The following ATXN1 variants were observed in gnomAD, a reference collection of about 807,000 sequenced individuals.
ATXN1 encodes ataxin-1.
In ATXN1, 8 loss-of-function variants were observed where a neutral mutation model predicts 56.4. That is an observed-to-expected ratio of 0.14 (90% confidence interval 0.08 to 0.26). The LOEUF (loss-of-function observed/expected upper bound fraction) is 0.26. Among genes scored for constraint, ATXN1 ranks in the 10% least tolerant of loss-of-function variants. ATXN1 has a pLI of 1.00. For synonymous variants in ATXN1, 514 were observed against 494.6 expected, an observed-to-expected ratio of 1.04 and a Z score of -0.52; for missense variants, 987 against 1,106.5, an observed-to-expected ratio of 0.89 and a Z score of 1.53.
intron 3 of ATXN1, among the ~76,000 whole-genome samples, chr6:16,590,482 G>C (rs1762703308): frequency 6.6e-6 from 1 of 152,066 alleles, no homozygotes; most frequent in Non-Finnish European, 1.5e-5. Context: ...GCATATTAGA[G>C]TTTTATATAT....
intron 2 of ATXN1, among the ~76,000 whole-genome samples, chr6:16,683,748 G>C (rs1758861381): frequency 6.6e-6 from 1 of 152,192 alleles, no homozygotes; most frequent in Admixed American, 6.5e-5. Context: ...GGGTTAACCA[G>C]AGAGTTTTCT....
intron 6 of ATXN1, among the ~76,000 whole-genome samples, chr6:16,346,559 C>T (rs939766359): frequency 2.0e-5 from 3 of 152,210 alleles, no homozygotes; most frequent in African/African-American, 4.8e-5. Flanking sequence ...GACTCCTGAG[C>T]AGGAAGCACA....
At chr6:16,475,276 G>T (rs780357870) in intron 6 of ATXN1, among the ~76,000 whole-genome samples, 2 of 152,100 alleles carry the variant, frequency 1.3e-5, no homozygotes, top group African/African-American at 4.8e-5. Flanking sequence ...ATACATAACC[G>T]AATTCACTGT....
intron 3 of ATXN1, among the ~76,000 whole-genome samples, chr6:16,651,126 A>G (rs1409089432): frequency 1.3e-5 from 2 of 152,226 alleles, no homozygotes; most frequent in Non-Finnish European, 2.9e-5. Flanking sequence ...GAACACAGAA[A>G]GAAAAGACTT....
intron 6 of ATXN1, among the ~76,000 whole-genome samples, chr6:16,384,505 A>C (rs1758198078): frequency 1.3e-5 from 2 of 152,214 alleles, no homozygotes; most frequent in African/African-American, 4.8e-5. Flanking sequence ...AAGATCTAAA[A>C]GACACAGTTC....
intron 6 of ATXN1, among the ~76,000 whole-genome samples, chr6:16,335,788 C>T (rs1761110530): frequency 6.6e-6 from 1 of 152,180 alleles, no homozygotes; most frequent in Non-Finnish European, 1.5e-5. Context: ...GTGAGATGTA[C>T]AGAGGCAAAG....
rs567490004 is a variant in ATXN1 at position 16,323,258 on chromosome 6, C to T, written c.1917+3136G>A. ...GTAAGGGGCTGGGCGCAGTGGCTCA[C>T]GCCTACAATCCCAGCTTTAGGAGGC... is the stretch of plus-strand genomic sequence containing the variant. On this transcript the variant is annotated intron_variant, in intron 7 of 7. Transcript: ENST00000436367. 3.9e-5 allele frequency among the ~76,000 whole-genome samples: 6 copies of T among 152,322 alleles called. No individual in the cohort carries two copies. The South Asian group carries it at 1.0e-3, about 26-fold the overall frequency.
At chr6:16,560,327 G>A (rs1320950307) in intron 4 of ATXN1, among the ~76,000 whole-genome samples, 4 of 151,726 alleles carry the variant, frequency 2.6e-5, no homozygotes, top group Non-Finnish European at 5.9e-5. Flanking sequence ...CTACTCGGGA[G>A]GCTGAGGCAG....
intron 2 of ATXN1, among the ~76,000 whole-genome samples, chr6:16,751,300 T>C (rs750683620): frequency 1.3e-5 from 2 of 152,188 alleles, no homozygotes; most frequent in Non-Finnish European, 2.9e-5. Flanking sequence ...CTGACACTTG[T>C]AGATCTTAAG....
At chr6:16,603,836 A>G (rs1762954080) in intron 3 of ATXN1, among the ~76,000 whole-genome samples, 1 of 151,972 alleles carries the variant, frequency 6.6e-6, no homozygotes, top group Non-Finnish European at 1.5e-5. Context: ...TGGGGTGGGG[A>G]TGAGGACAGT....
intron 6 of ATXN1, among the ~76,000 whole-genome samples, chr6:16,357,871 G>C (rs1029415393): frequency 1.3e-5 from 2 of 152,206 alleles, no homozygotes; most frequent in Non-Finnish European, 1.5e-5. Context: ...TGCTAAGCTA[G>C]AGGAGGGGCA....
chr6:16,604,927 T>G (rs974988187), intron 3 of ATXN1, among the ~76,000 whole-genome samples: 4 of 152,166 alleles, frequency 2.6e-5, no homozygotes, highest in Non-Finnish European at 5.9e-5. Flanking sequence ...GAAGTCTGAC[T>G]GTTAGATGTG....
At position 16,584,965 on chromosome 6, in the gene ATXN1, G is replaced by A. The variant is rs189991216; in HGVS notation, c.-361+815C>T. 3.9e-5 allele frequency among the ~76,000 whole-genome samples: 6 copies of A among 152,194 alleles called. No individual in the cohort carries two copies. In the East Asian group the frequency reaches 1.2e-3, roughly 29 times the overall value. On this transcript the variant is annotated intron_variant, in intron 4 of 7. Transcript: ENST00000436367. ...AGCAATAAAATGTCTGGGTGTGGTG[G>A]ATCACGCCTGTAATCCCAACACTTT...
At chr6:16,355,843 C>T (rs1408332520) in intron 6 of ATXN1, among the ~76,000 whole-genome samples, 2 of 152,024 alleles carry the variant, frequency 1.3e-5, no homozygotes, top group South Asian at 2.1e-4. Context: ...GGATTACAGG[C>T]GTGAGGCACC....
At chr6:16,318,827 G>C (rs530553571) in intron 7 of ATXN1, among the ~76,000 whole-genome samples, 5 of 152,298 alleles carry the variant, frequency 3.3e-5, no homozygotes, top group Non-Finnish European at 7.4e-5. Context: ...TGGCCAGGAA[G>C]GACACTGCCC....
intron 6 of ATXN1, among the ~76,000 whole-genome samples, chr6:16,416,078 A>C (rs954339879): frequency 2.1e-5 from 3 of 141,056 alleles, no homozygotes; most frequent in Non-Finnish European, 4.6e-5. Flanking sequence ...CACAAGAAGA[A>C]CTACCAAGCT....
chr6:16,674,470 C>T (rs1650322713), intron 2 of ATXN1, among the ~76,000 whole-genome samples: 2 of 151,448 alleles, frequency 1.3e-5, no homozygotes, highest in South Asian at 4.2e-4. Context: ...CTGCCTCAGC[C>T]TCCCAAGTAG....
intron 4 of ATXN1, among the ~76,000 whole-genome samples, chr6:16,553,500 C>G (rs997013160): frequency 6.6e-6 from 1 of 152,226 alleles, no homozygotes; most frequent in Admixed American, 6.5e-5. Context: ...GTTCTATCCA[C>G]TCTCCTATAA....
intron 6 of ATXN1, among the ~76,000 whole-genome samples, chr6:16,481,072 G>A (rs915682599): frequency 2.6e-5 from 4 of 152,198 alleles, no homozygotes; most frequent in African/African-American, 9.6e-5. Flanking sequence ...AGAAATGGGT[G>A]AAAGAGAAAA....
Sources: allele counts gnomAD v4.1 joint callset (sites outside exome capture counted in the v4.1 genomes callset), GRCh38; gene constraint gnomAD v4.1.1; transcripts MANE v1.5; gene names NCBI Gene and HGNC (gene_info 2026-07-23, HGNC 2026-07-21).